The following RUNX1 variants were observed in gnomAD, a reference collection of about 807,000 sequenced individuals.
The protein encoded by RUNX1 is runt-related transcription factor 1.
In RUNX1, 19 loss-of-function variants were observed where a neutral mutation model predicts 42.8. The observed-to-expected ratio is 0.44, with a 90% confidence interval of 0.31 to 0.65. The LOEUF is 0.65. Among genes scored for constraint, RUNX1 ranks in the 30% least tolerant of loss-of-function variants. RUNX1 has a pLI of 0.07. For missense variants in RUNX1, 528 were observed against 672.0 expected (o/e 0.79, Z 2.37); for synonymous variants, 271 against 289.4 (o/e 0.94, Z 0.64).
chr21:34,891,647 G>T (rs920778678), intron 3 of RUNX1, among the ~76,000 whole-genome samples: 2 of 151,568 alleles, frequency 1.3e-5, no homozygotes, highest in Non-Finnish European at 2.9e-5. Context: ...ACATTACCAG[G>T]TTCATTCCCA....
At chr21:34,961,268 G>A (rs1460189308) in intron 2 of RUNX1, among the ~76,000 whole-genome samples, 1 of 152,084 alleles carries the variant, frequency 6.6e-6, no homozygotes, top group Non-Finnish European at 1.5e-5. Flanking sequence ...CAGCTACTCA[G>A]GAGGCTGAAG....
chr21:35,026,022 T>TG (rs201401858), intron 2 of RUNX1, among the ~76,000 whole-genome samples: 1,929 of 152,252 alleles, frequency 0.013, 39 homozygotes, highest in African/African-American at 0.044. Context: ...CCAACAATGA[T>TG]GGAGACTTTC....
intron 4 of RUNX1, among the ~76,000 whole-genome samples, chr21:34,883,463 T>C (rs541599381): frequency 6.6e-5 from 10 of 152,268 alleles, no homozygotes; most frequent in African/African-American, 2.4e-4. Context: ...AAAACTAACA[T>C]GCGTGCTAAT....
intron 2 of RUNX1, among the ~76,000 whole-genome samples, chr21:35,004,902 T>C (rs2146888928): frequency 6.6e-6 from 1 of 152,294 alleles, no homozygotes; most frequent in African/African-American, 2.4e-5. Context: ...ATGTTTCAAA[T>C]TCATCTCACT....
At chr21:34,859,411 G>T in intron 6 of RUNX1, 63 bp downstream of exon 6, 8 of 1,214,902 alleles carry the variant, frequency 6.6e-6, no homozygotes, top group Non-Finnish European at 9.8e-6. Flanking sequence ...TGGTCCCTGA[G>T]TATACCAGCC....
intron 3 of RUNX1, among the ~76,000 whole-genome samples, chr21:34,888,915 C>T (rs569829412): frequency 7.3e-5 from 11 of 151,630 alleles, no homozygotes; most frequent in Admixed American, 1.3e-4. Flanking sequence ...GGAGGCCACC[C>T]CCGCGCCCCG....
At chr21:34,922,611 G>A (rs1162218725) in intron 2 of RUNX1, among the ~76,000 whole-genome samples, 1 of 152,170 alleles carries the variant, frequency 6.6e-6, no homozygotes, top group African/African-American at 2.4e-5. Flanking sequence ...TGATGAAGGA[G>A]CATGGGGGAA....
intron 2 of RUNX1, among the ~76,000 whole-genome samples, chr21:34,948,021 G>C (rs1422234338): frequency 6.6e-6 from 1 of 150,722 alleles, no homozygotes; most frequent in Non-Finnish European, 1.5e-5. Flanking sequence ...CCGGGCTGCT[G>C]TTTCATCTCT....
At chr21:34,978,937 T>C (rs9712647) in intron 2 of RUNX1, among the ~76,000 whole-genome samples, 31 of 134,142 alleles carry the variant, frequency 2.3e-4, no homozygotes, top group Middle Eastern at 3.7e-3. Context: ...CACACACAGA[T>C]ACACACACAC....
At chr21:34,951,289 T>A in intron 2 of RUNX1, among the ~76,000 whole-genome samples, 2 of 152,254 alleles carry the variant, frequency 1.3e-5, no homozygotes, top group Non-Finnish European at 1.5e-5. Context: ...GAATTCCTTT[T>A]GTGTCATTCT....
chr21:34,958,605 C>A (rs1228678691), intron 2 of RUNX1, among the ~76,000 whole-genome samples: 3 of 152,190 alleles, frequency 2.0e-5, no homozygotes, highest in Admixed American at 1.3e-4. Context: ...GTTGGTGGGA[C>A]TGTAAACTAG....
chr21:34,912,160 T>A (rs556688409), intron 2 of RUNX1, among the ~76,000 whole-genome samples: 1 of 150,554 alleles, frequency 6.6e-6, no homozygotes, highest in African/African-American at 2.4e-5. Context: ...TAAGAATGAA[T>A]GAATCAATCG....
chr21:34,943,002 C>A (rs760579536), intron 2 of RUNX1, among the ~76,000 whole-genome samples: 1 of 152,186 alleles, frequency 6.6e-6, no homozygotes, highest in Non-Finnish European at 1.5e-5. Flanking sequence ...GCAGCGAGTA[C>A]GCCTTGGCAG....
intron 6 of RUNX1, among the ~76,000 whole-genome samples, chr21:34,853,742 G>A (rs1407140262): frequency 6.6e-6 from 1 of 151,852 alleles, no homozygotes; most frequent in Admixed American, 6.6e-5. Flanking sequence ...AATCCTAAGA[G>A]CAATTATTTT....
chr21:34,813,601 G>C (rs2056786333), intron 7 of RUNX1, among the ~76,000 whole-genome samples: 1 of 152,062 alleles, frequency 6.6e-6, no homozygotes, highest in Admixed American at 6.6e-5. Flanking sequence ...CTTAGAGCTG[G>C]CATGTTGAGC....
At chr21:34,878,776 G>C (rs909651950) in intron 5 of RUNX1, among the ~76,000 whole-genome samples, 1 of 152,152 alleles carries the variant, frequency 6.6e-6, no homozygotes, top group African/African-American at 2.4e-5. Flanking sequence ...ATCAATGCCA[G>C]AAAAGAAAGC....
chr21:34,805,337 T>C (rs1284261346), intron 7 of RUNX1, among the ~76,000 whole-genome samples: 1 of 152,136 alleles, frequency 6.6e-6, no homozygotes, highest in Non-Finnish European at 1.5e-5. Flanking sequence ...TTTCCAAAAT[T>C]AATGACAGAT....
Position 34,853,137 on chromosome 21 carries a change from C to T in RUNX1, c.613+6337G>A, listed in dbSNP as rs187889891. On this transcript the variant is annotated intron_variant, in intron 6 of 8. Coordinates refer to ENST00000675419, the MANE Select transcript of RUNX1 (RefSeq NM_001754.5). ...AAGAGGTCTATGTTGTACAACACCC[C>T]GGGGTCAGGTCCCCCTTCATGCCAG... 2.0e-3 allele frequency among the ~76,000 whole-genome samples: 310 copies of T among 152,238 alleles called. 1 individual carries two copies. Among genetic ancestry groups the T allele is most frequent in the Non-Finnish European group, 3.3e-3 (222 of 68,018 alleles).
chr21:35,019,120 G>T (rs1024245437), intron 2 of RUNX1, among the ~76,000 whole-genome samples: 13 of 152,156 alleles, frequency 8.5e-5, no homozygotes. Context: ...ACCTGAACTG[G>T]TCAACCATCC....
Sources: gnomAD v4.1 joint callset for allele counts (sites outside exome capture counted in the v4.1 genomes callset) on GRCh38, gnomAD v4.1.1 for gene constraint, MANE v1.5 for transcripts, NCBI Gene and HGNC (gene_info 2026-07-23, HGNC 2026-07-21) for gene names.